VWA8: variants seen among roughly 807,000 people sequenced by gnomAD.
VWA8 encodes von Willebrand factor A domain containing 8, also known as von Willebrand factor A domain-containing protein 8.
VWA8 carries 221 observed loss-of-function variants against 241.5 expected under a neutral mutation model. The observed-to-expected ratio is 0.91, with a 90% CI of 0.82 to 1.02. The LOEUF (loss-of-function observed/expected upper bound fraction) is 1.02, where lower values mean the gene tolerates loss of function less well. Ranked by LOEUF, VWA8 falls within the 50% of genes least tolerant of loss-of-function variation. The pLI, the probability that VWA8 is intolerant of heterozygous loss-of-function variation, is 0.00. For synonymous variants in VWA8, 852 were observed against 827.1 expected (o/e 1.03, Z -0.52); for missense variants, 2,322 against 2,328.7 (o/e 1.00, Z 0.06).
chr13:41,805,554 C>CTGT (rs1295889739), intron 17 of VWA8, among the ~76,000 whole-genome samples: 2 of 152,226 alleles, frequency 1.3e-5, no homozygotes, highest in Admixed American at 1.3e-4. Flanking sequence ...TGGCTCATGC[C>CTGT]TGTAATCCCA....
chr13:41,922,085 G>T (rs1460703116), intron 2 of VWA8, among the ~76,000 whole-genome samples: 1 of 152,106 alleles, frequency 6.6e-6, no homozygotes, highest in Non-Finnish European at 1.5e-5. Context: ...CCAAAACAGA[G>T]ATATAGATCA....
intron 39 of VWA8, among the ~76,000 whole-genome samples, chr13:41,609,586 A>G (rs2044574370): frequency 6.6e-6 from 1 of 152,124 alleles, no homozygotes; most frequent in African/African-American, 2.4e-5. Flanking sequence ...AGTTCCTAGT[A>G]AAAGGTTGAA....
intron 24 of VWA8, among the ~76,000 whole-genome samples, chr13:41,726,187 T>C (rs7337310): frequency 0.24 from 36,205 of 152,048 alleles, 4,378 homozygotes; most frequent in East Asian, 0.31. Context: ...CTGCATAGCA[T>C]TCTATTGTGT....
At chr13:41,930,959 G>A (rs1368756774) in intron 2 of VWA8, among the ~76,000 whole-genome samples, 5 of 151,744 alleles carry the variant, frequency 3.3e-5, no homozygotes, top group Admixed American at 2.0e-4. Flanking sequence ...GACCATCCTG[G>A]CCAACATGGT....
intron 37 of VWA8, among the ~76,000 whole-genome samples, chr13:41,648,409 G>A (rs1203191669): frequency 2.0e-5 from 3 of 152,134 alleles, no homozygotes; most frequent in Non-Finnish European, 4.4e-5. Flanking sequence ...TACTTGGGAG[G>A]TGGGCATTAT....
intron 22 of VWA8, among the ~76,000 whole-genome samples, chr13:41,730,261 T>C (rs576268360): frequency 1.3e-5 from 2 of 152,130 alleles, no homozygotes; most frequent in Non-Finnish European, 1.5e-5. Flanking sequence ...AGAAGTTAAA[T>C]GTGAGAAAAG....
chr13:41,867,639 G>A (rs941427254), intron 10 of VWA8, among the ~76,000 whole-genome samples: 2 of 152,070 alleles, frequency 1.3e-5, no homozygotes, highest in African/African-American at 2.4e-5. Context: ...CCTAGCTCAT[G>A]GTGGATATAA....
At chr13:41,605,757 A>C (rs2044549957) in intron 39 of VWA8, among the ~76,000 whole-genome samples, 1 of 152,120 alleles carries the variant, frequency 6.6e-6, no homozygotes, top group African/African-American at 2.4e-5. Context: ...TATTTGGTTG[A>C]CCAAGATAAC....
At chr13:41,765,925 C>T (rs1048993692) in intron 20 of VWA8, among the ~76,000 whole-genome samples, 2 of 152,094 alleles carry the variant, frequency 1.3e-5, no homozygotes, top group Non-Finnish European at 2.9e-5. Flanking sequence ...ATGAGAATGA[C>T]GCTAACATTT....
In VWA8 at chr13:41,567,310, T is replaced by C. The variant is rs561296315; in HGVS notation, c.*887A>G. On this transcript the variant is annotated 3_prime_UTR_variant, in exon 45 of 45. Coordinates refer to ENST00000379310, the MANE Select transcript of VWA8 (RefSeq NM_015058.2). ...ATTCACTTCAAATATACCACCTTGA[T>C]TTTACTTTTTTTACTTTGCTTTAGG... 1.3e-5 allele frequency: 2 copies of C among 152,346 alleles called. No individual in the cohort carries two copies. The highest frequency in any genetic ancestry group is 3.4e-3 in the Middle Eastern group (1 of 294). The allele number at this position is 152,346 out of a possible 1,614,324, so 9.4% of individuals were successfully genotyped here. A position where few individuals can be genotyped will look rare whatever the true frequency, so the allele number is the denominator to read the frequency against.
chr13:41,570,370 C>G (rs1019063185), intron 44 of VWA8, 98 bp downstream of exon 44: 2 of 1,086,486 alleles, frequency 1.8e-6, no homozygotes, highest in Non-Finnish European at 2.7e-6. Context: ...CTCCATCTGC[C>G]TCACTGTCCC....
chr13:41,748,740 C>G (rs1309148910), intron 21 of VWA8, among the ~76,000 whole-genome samples: 1 of 152,112 alleles, frequency 6.6e-6, no homozygotes, highest in African/African-American at 2.4e-5. Context: ...ACAAACCTGA[C>G]AGAAACAAGA....
intron 40 of VWA8, among the ~76,000 whole-genome samples, chr13:41,595,860 C>A (rs1048053513): frequency 1.1e-4 from 17 of 152,134 alleles, no homozygotes; most frequent in Non-Finnish European, 2.2e-4. Context: ...AATGCTGGGT[C>A]ACAGAGTATG....
chr13:41,646,664 TATCA>T (rs2044834492), intron 37 of VWA8, among the ~76,000 whole-genome samples: 1 of 152,242 alleles, frequency 6.6e-6, no homozygotes, highest in South Asian at 2.1e-4. Context: ...TTATAAAGCA[TATCA>T]TGGTTTAGGA....
intron 17 of VWA8, among the ~76,000 whole-genome samples, chr13:41,798,117 T>G (rs550734575): frequency 6.6e-6 from 1 of 152,328 alleles, no homozygotes; most frequent in South Asian, 2.1e-4. Context: ...ATTCTCTTCT[T>G]AAACAACAGA....
At chr13:41,846,261 T>C (rs1872286182) in intron 12 of VWA8, among the ~76,000 whole-genome samples, 1 of 152,208 alleles carries the variant, frequency 6.6e-6, no homozygotes. Context: ...GGTGTAATTA[T>C]GAATTACCCG....
At chr13:41,709,630 T>C (rs192210208) in intron 26 of VWA8, among the ~76,000 whole-genome samples, 73 of 152,264 alleles carry the variant, frequency 4.8e-4, no homozygotes, top group African/African-American at 1.5e-3. Flanking sequence ...CTTCTTTATT[T>C]GCCTGGAGAA....
At chr13:41,738,067 T>G (rs1279289790) in intron 21 of VWA8, among the ~76,000 whole-genome samples, 1 of 152,082 alleles carries the variant, frequency 6.6e-6, no homozygotes. Context: ...GTGTAAAAAG[T>G]AAGGAAGACA....
chr13:41,826,679 C>T (rs1181340058), intron 14 of VWA8, among the ~76,000 whole-genome samples: 1 of 151,852 alleles, frequency 6.6e-6, no homozygotes, highest in Non-Finnish European at 1.5e-5. Flanking sequence ...AGACATGCCT[C>T]AGCAACACAG....
Sources: allele counts gnomAD v4.1 joint callset (sites outside exome capture counted in the v4.1 genomes callset), GRCh38; gene constraint gnomAD v4.1.1; transcripts MANE v1.5; gene names NCBI Gene and HGNC (gene_info 2026-07-23, HGNC 2026-07-21).